The following ITPR1 variants were observed in gnomAD, a reference collection of about 807,000 sequenced individuals.
ITPR1 encodes inositol 1,4,5-trisphosphate-gated calcium channel ITPR1.
ITPR1 carries 96 observed loss-of-function variants against 318.4 expected under a neutral mutation model. The ratio of observed to expected loss-of-function variants is 0.30; its 90% confidence interval spans 0.26 to 0.36. The LOEUF (loss-of-function observed/expected upper bound fraction) is 0.36. Ranked by LOEUF, ITPR1 falls within the 10% of genes least tolerant of loss-of-function variation. ITPR1 has a pLI of 1.00. For missense variants in ITPR1, 2,440 were observed against 3,460.2 expected (o/e 0.71, Z 7.40); for synonymous variants, 1,312 against 1,289.9 (o/e 1.02, Z -0.37).
chr3:4,575,009 A>C (rs895998737), intron 4 of ITPR1, among the ~76,000 whole-genome samples: 1 of 152,230 alleles, frequency 6.6e-6, no homozygotes, highest in African/African-American at 2.4e-5. Flanking sequence ...TTTGTACTGG[A>C]TGGTGCTTAC....
intron 47 of ITPR1, among the ~76,000 whole-genome samples, chr3:4,776,865 T>C (rs1477971183): frequency 6.6e-6 from 1 of 152,228 alleles, no homozygotes; most frequent in Non-Finnish European, 1.5e-5. Context: ...TTTCCAAGCT[T>C]AAGCCTTAAG....
chr3:4,628,270 C>T (rs1013020633), intron 5 of ITPR1, among the ~76,000 whole-genome samples: 3 of 152,166 alleles, frequency 2.0e-5, no homozygotes, highest in Non-Finnish European at 4.4e-5. Context: ...CAGTACCCAC[C>T]TCAGGAGGTC....
chr3:4,725,516 A>G, intron 40 of ITPR1, 30 bp from the exon 41 acceptor site: 1 of 1,590,834 alleles, frequency 6.3e-7, no homozygotes, highest in South Asian at 1.1e-5. Context: ...AAGTGCCATG[A>G]CTAACGTACT....
chr3:4,721,156 A>G (rs1411104241), intron 40 of ITPR1, among the ~76,000 whole-genome samples: 2 of 111,206 alleles, frequency 1.8e-5, no homozygotes, highest in South Asian at 3.4e-4. Context: ...CTGTGTGTAG[A>G]TACGTGTGTG....
chr3:4,622,578 C>A (rs1400270954), intron 4 of ITPR1, among the ~76,000 whole-genome samples: 1 of 152,050 alleles, frequency 6.6e-6, no homozygotes, highest in African/African-American at 2.4e-5. Context: ...TGCCCGCCAC[C>A]ACGCCCAGCT....
chr3:4,831,512 C>A (rs17030679), intron 60 of ITPR1: 3,173 of 157,306 alleles, frequency 0.02, 116 homozygotes, highest in African/African-American at 0.072. Flanking sequence ...GTGGCAGATG[C>A]GGCCGACAGA....
rs116371385 is a variant in ITPR1, at chr3:4,692,511, A to G, written c.4030-979A>G. ...GTTAGGAAGTTTGTCTAAAGAGTTT[A>G]TCTTGGTATCTGGCATCTAATCATT... On this transcript the variant is annotated intron_variant, in intron 32 of 61. Transcript: ENST00000649015. Among the ~76,000 whole-genome samples the G allele has an allele frequency of 7.3e-3, 1,119 of 152,338 alleles. 12 individuals carry two copies. Among genetic ancestry groups the G allele is most frequent in the African/African-American group, 0.026 (1,074 of 41,586 alleles).
At position 4,812,303 on chromosome 3, in the gene ITPR1, G is replaced by C. The variant is rs528223252; in HGVS notation, c.7469-839G>C. Among the ~76,000 whole-genome samples the C allele has an allele frequency of 1.4e-4, 21 of 152,196 alleles. No homozygotes were observed. In the South Asian group the frequency reaches 4.1e-3, roughly 30 times the overall value. On this transcript the variant is annotated intron_variant, in intron 56 of 61. Transcript: ENST00000649015. ...TCCCCCAGCTTTAGCTTCCCAAAGTGCTGGGATTACAGGTGTGGGCCACTA... is the reference window on the plus strand; with the variant it reads ...TCCCCCAGCTTTAGCTTCCCAAAGTCCTGGGATTACAGGTGTGGGCCACTA...
chr3:4,776,996 A>C (rs2046525742), intron 47 of ITPR1, among the ~76,000 whole-genome samples: 1 of 152,236 alleles, frequency 6.6e-6, no homozygotes, highest in Admixed American at 6.5e-5. Flanking sequence ...ACAAAAGCCA[A>C]CTGTGCTGCA....
At chr3:4,565,278 G>A (rs77301768) in intron 4 of ITPR1, among the ~76,000 whole-genome samples, 11,808 of 152,194 alleles carry the variant, frequency 0.078, 630 homozygotes, top group Non-Finnish European at 0.11. Flanking sequence ...TTTTCTTACT[G>A]CTAGAGTTGA....
chr3:4,733,622 C>G (rs182616389), intron 43 of ITPR1, among the ~76,000 whole-genome samples: 1 of 152,284 alleles, frequency 6.6e-6, no homozygotes, highest in East Asian at 1.9e-4. Context: ...ATGCCAGGGG[C>G]TTTCCTAAGT....
chr3:4,669,540 C>A, intron 18 of ITPR1, 114 bp from the exon 19 acceptor site: 1 of 977,648 alleles, frequency 1.0e-6, no homozygotes, highest in Non-Finnish European at 1.4e-6. Context: ...TAGAATGCTG[C>A]TGACATGTCT....
intron 4 of ITPR1, among the ~76,000 whole-genome samples, chr3:4,567,796 A>G (rs1342708677): frequency 6.6e-6 from 1 of 151,934 alleles, no homozygotes; most frequent in African/African-American, 2.4e-5. Context: ...TAGAGATGGG[A>G]TTTCACCATG....
chr3:4,762,671 C>T (rs1050964265), intron 44 of ITPR1, among the ~76,000 whole-genome samples: 2 of 152,176 alleles, frequency 1.3e-5, no homozygotes, highest in African/African-American at 4.8e-5. Context: ...GGCAGTGTGC[C>T]CAAGTCCACA....
chr3:4,531,472 A>G (rs954026964), intron 4 of ITPR1, among the ~76,000 whole-genome samples: 3 of 152,180 alleles, frequency 2.0e-5, no homozygotes, highest in African/African-American at 7.2e-5. Flanking sequence ...TAGGGGAATC[A>G]GCACAGGTCT....
chr3:4,784,041 T>C (rs1039816129), intron 51 of ITPR1, 121 bp downstream of exon 51: 4 of 697,106 alleles, frequency 5.7e-6, no homozygotes, highest in Non-Finnish European at 7.3e-6. Flanking sequence ...GTGTACTGTG[T>C]GCTAGGTCCT....
chr3:4,514,002 G>A (rs1008563335), intron 2 of ITPR1, among the ~76,000 whole-genome samples: 4 of 151,942 alleles, frequency 2.6e-5, no homozygotes, highest in African/African-American at 9.7e-5. Context: ...CGGGAGAATC[G>A]CTTGAACCTG....
chr3:4,528,299 T>C (rs1443701445), intron 4 of ITPR1, among the ~76,000 whole-genome samples: 1 of 152,196 alleles, frequency 6.6e-6, no homozygotes, highest in Non-Finnish European at 1.5e-5. Context: ...AAATAGGTTC[T>C]TATTTCTTTG....
rs190298024 is a variant in ITPR1, at chr3:4,720,150, G to A, written c.5136+2751G>A. 1.7e-3 allele frequency among the ~76,000 whole-genome samples: 256 copies of A among 152,334 alleles called. 2 individuals are homozygous for A. The highest frequency in any genetic ancestry group is 0.013 in the Admixed American group (203 of 15,304). ...TGACTAATATTTGAGTGCCTGTTACGTCCAGGGGGATTTGGATACAGTGGT... is the reference window on the plus strand; with the variant it reads ...TGACTAATATTTGAGTGCCTGTTACATCCAGGGGGATTTGGATACAGTGGT... On this transcript the variant is annotated intron_variant, in intron 40 of 61. Coordinates refer to ENST00000649015, the MANE Select transcript of ITPR1 (RefSeq NM_001378452.1).
Sources: gnomAD v4.1 joint callset for allele counts (sites outside exome capture counted in the v4.1 genomes callset) on GRCh38, gnomAD v4.1.1 for gene constraint, MANE v1.5 for transcripts, NCBI Gene and HGNC (gene_info 2026-07-23, HGNC 2026-07-21) for gene names.